DENND4A: variants seen among roughly 807,000 people sequenced by gnomAD.
DENND4A encodes DENN domain containing 4A, also known as C-myc promoter-binding protein.
DENND4A carries 70 observed loss-of-function variants against 199.3 expected under a neutral mutation model. That is an observed-to-expected ratio of 0.35 (90% confidence interval 0.29 to 0.43). DENND4A has a LOEUF of 0.43. DENND4A is among the 20% of genes least tolerant of loss of function. The probability of loss-of-function intolerance (pLI) is 1.00; values close to 1 mark genes in which losing one functional copy is unlikely to be tolerated. For missense variants in DENND4A, 1,723 were observed against 2,255.8 expected, an observed-to-expected ratio of 0.76 and a Z score of 4.78; for synonymous variants, 686 against 766.9, an observed-to-expected ratio of 0.89 and a Z score of 1.74.
intron 21 of DENND4A, 100 bp from the exon 22 acceptor site, chr15:65,696,597 T>C: frequency 2.4e-6 from 2 of 825,282 alleles, no homozygotes; most frequent in Non-Finnish European, 1.8e-6. Context: ...TACTTGAAAA[T>C]AGGTGACAAG....
intron 1 of DENND4A, among the ~76,000 whole-genome samples, chr15:65,783,473 T>A (rs1372748557): frequency 6.6e-6 from 1 of 152,190 alleles, no homozygotes; most frequent in Non-Finnish European, 1.5e-5. Flanking sequence ...ATACATATAT[T>A]TTCCAGGTCT....
In DENND4A at chr15:65,756,246, T is replaced by C. The variant is rs537728977; in HGVS notation, c.205A>G (p.Thr69Ala). 1 of 1,612,708 alleles carries C rather than the reference T, an allele frequency of 6.2e-7. No individual in the cohort carries two copies. The highest frequency in any genetic ancestry group is 8.5e-7 in the Non-Finnish European group (1 of 1,179,270). The change falls in exon 3 of 33, where the codon ACC (threonine) becomes GCC (alanine). Residue 69 changes from threonine to alanine, a missense_variant. Transcript: ENST00000443035. ...AGATCAGCTGACAATCCAGTTGGGG[T>C]AACATCAATACAGATATAATCCTGT... The part of the protein sequence containing the change: ...VPQDYICIDV[T>A]PTGLSADLNN...
intron 23 of DENND4A, among the ~76,000 whole-genome samples, chr15:65,685,347 A>T (rs897643192): frequency 6.6e-6 from 1 of 152,132 alleles, no homozygotes; most frequent in African/African-American, 2.4e-5. Context: ...AGGATGGTCT[A>T]GATCTCCTGA....
Position 65,709,267 on chromosome 15 carries a change from A to AT in DENND4A, c.1954-3044dup, listed in dbSNP as rs572715155. On this transcript the variant is annotated intron_variant, in intron 14 of 32. Coordinates refer to ENST00000443035, the MANE Select transcript of DENND4A (RefSeq NM_001320835.1). The stretch of plus-strand genomic sequence containing the variant: ...ATATGCAGATGAATAGTAAGCACTG[A>AT]TTTTTTGTGAGTCACTTACTATGGT... Among the ~76,000 whole-genome samples, 283 of 152,324 alleles carry AT rather than the reference A, an allele frequency of 1.9e-3. 2 individuals carry two copies. The highest frequency in any genetic ancestry group is 6.3e-3 in the African/African-American group (261 of 41,568).
chr15:65,732,375 TA>T (rs1320008893), intron 8 of DENND4A, among the ~76,000 whole-genome samples: 2 of 152,128 alleles, frequency 1.3e-5, no homozygotes, highest in Non-Finnish European at 1.5e-5. Flanking sequence ...ATCAATATAA[TA>T]ATGTAATTAC....
At chr15:65,682,450 A>G (rs1202708674) in intron 23 of DENND4A, among the ~76,000 whole-genome samples, 1 of 152,176 alleles carries the variant, frequency 6.6e-6, no homozygotes, top group Non-Finnish European at 1.5e-5. Context: ...CAGCTTTCTC[A>G]GCCTTCATAA....
intron 12 of DENND4A, among the ~76,000 whole-genome samples, chr15:65,718,857 G>A (rs1171371337): frequency 7.8e-6 from 1 of 128,632 alleles, no homozygotes. Context: ...TCAGCTTACT[G>A]CAGCCCCTAC....
rs1408194077 is a variant in DENND4A at position 65,670,008 on chromosome 15, A to G, written c.4640+5T>C. On this transcript the variant is annotated splice_donor_5th_base_variant and intron_variant, in intron 26 of 32. Transcript: ENST00000443035. ...CTTAAACATGAAGGAAAAAAATATC[A>G]TTACCTTCCAGGTCGTCTTAAATCT... 2.5e-6 allele frequency: 4 copies of G among 1,591,434 alleles called. No homozygotes were observed. Among genetic ancestry groups the G allele is most frequent in the African/African-American group, 1.4e-5 (1 of 73,894 alleles).
chr15:65,777,855 G>A (rs1457213376), intron 1 of DENND4A, among the ~76,000 whole-genome samples: 1 of 152,080 alleles, frequency 6.6e-6, no homozygotes, highest in East Asian at 1.9e-4. Context: ...CCAATACGGT[G>A]AAACCCTGTC....
intron 1 of DENND4A, among the ~76,000 whole-genome samples, chr15:65,783,000 A>T (rs938318108): frequency 2.0e-5 from 3 of 150,236 alleles, no homozygotes; most frequent in African/African-American, 7.3e-5. Flanking sequence ...AGTCAGGAGG[A>T]AAAAAAAACA....
intron 1 of DENND4A, among the ~76,000 whole-genome samples, chr15:65,763,341 T>C (rs1265505330): frequency 6.6e-6 from 1 of 152,024 alleles, no homozygotes; most frequent in African/African-American, 2.4e-5. Flanking sequence ...CCTTGACATG[T>C]GTGTGTCTGT....
In DENND4A at chr15:65,761,324, T is replaced by A. The variant is rs1055532664; in HGVS notation, c.-23+36A>T. The A allele has an allele frequency of 5.9e-5, 9 of 152,190 alleles. No homozygotes were observed. The South Asian group carries it at 1.9e-3, about 31-fold the overall frequency. The allele number at this position is 152,190 out of a possible 1,614,324, so 9.4% of individuals were successfully genotyped here. Reference sequence around the variant, plus strand: ...GTGTTTAACACAGGAAATAGCTAACTGAAACAAATCAAAATGAAAGCCAAA... The same window carrying A: ...GTGTTTAACACAGGAAATAGCTAACAGAAACAAATCAAAATGAAAGCCAAA... On this transcript the variant is annotated intron_variant, in intron 2 of 32. Transcript: ENST00000443035.
rs1491492345 is a variant in DENND4A, at chr15:65,659,321, G to GTTTTTTTTTTTTTTTTTTTTTTTTTTTTT, written c.*2529_*2530insAAAAAAAAAAAAAAAAAAAAAAAAAAAAA. ...TTATTTTAAATGATTGATATTTTCTGGTTTTTTTTTTTTTTTTTTTTTTTT... is the reference window on the plus strand; with the variant it reads ...TTATTTTAAATGATTGATATTTTCTGTTTTTTTTTTTTTTTTTTTTTTTTTTTTTGTTTTTTTTTTTTTTTTTTTTTTTT... On this transcript the variant is annotated 3_prime_UTR_variant, in exon 33 of 33. Coordinates refer to ENST00000443035, the MANE Select transcript of DENND4A (RefSeq NM_001320835.1). 20 of 66,668 alleles carry GTTTTTTTTTTTTTTTTTTTTTTTTTTTTT rather than the reference G, an allele frequency of 3.0e-4. 10 individuals carry two copies. Among genetic ancestry groups the GTTTTTTTTTTTTTTTTTTTTTTTTTTTTT allele is most frequent in the African/African-American group, 3.1e-4 (6 of 19,666 alleles). The allele number at this position is 66,668 out of a possible 1,614,324, so 4.1% of individuals were successfully genotyped here.
chr15:65,671,451 G>A (rs1435550405), intron 25 of DENND4A, among the ~76,000 whole-genome samples: 1 of 152,100 alleles, frequency 6.6e-6, no homozygotes, highest in Non-Finnish European at 1.5e-5. Context: ...GTGCAGTGGC[G>A]TGATCTCGGC....
intron 24 of DENND4A, among the ~76,000 whole-genome samples, chr15:65,675,683 T>C (rs1292297794): frequency 1.3e-5 from 2 of 152,054 alleles, no homozygotes; most frequent in East Asian, 1.9e-4. Context: ...AAATGAAAAC[T>C]GACTGAAATA....
chr15:65,665,569 GA>G, intron 29 of DENND4A, 107 bp from the exon 30 acceptor site: 1 of 779,012 alleles, frequency 1.3e-6, no homozygotes, highest in Non-Finnish European at 1.9e-6. Context: ...GTGCGAGACA[GA>G]AAAGAGAACA....
chr15:65,762,362 G>A (rs1035195400), intron 1 of DENND4A, among the ~76,000 whole-genome samples: 1 of 151,368 alleles, frequency 6.6e-6, no homozygotes, highest in Non-Finnish European at 1.5e-5. Context: ...AGTGGCTCAC[G>A]TCTGTAATCC....
chr15:65,683,426 GCTTA>G (rs1233901832), intron 23 of DENND4A, among the ~76,000 whole-genome samples: 9 of 151,976 alleles, frequency 5.9e-5, no homozygotes, highest in African/African-American at 1.9e-4. Context: ...CCTACTTTGA[GCTTA>G]CTTTGTTCTT....
intron 13 of DENND4A, 64 bp from the exon 14 acceptor site, chr15:65,715,687 G>A (rs893336652): frequency 2.8e-6 from 4 of 1,433,356 alleles, no homozygotes; most frequent in Non-Finnish European, 3.7e-6. Context: ...CAGAATATTT[G>A]CACTAGAAAG....
Sources: gnomAD v4.1 joint callset for allele counts (sites outside exome capture counted in the v4.1 genomes callset) on GRCh38, gnomAD v4.1.1 for gene constraint, MANE v1.5 for transcripts, NCBI Gene and HGNC (gene_info 2026-07-23, HGNC 2026-07-21) for gene names.